The following KLHL42 variants were observed in gnomAD, a reference collection of about 807,000 sequenced individuals.
KLHL42 encodes kelch like family member 42, also known as kelch-like protein 42.
Under a neutral mutation model 32.7 loss-of-function variants are expected in KLHL42, and 27 were observed. That is an observed-to-expected ratio of 0.83 (90% CI 0.61 to 1.14). The LOEUF is 1.14. Ranked by LOEUF, KLHL42 falls within the 50% of genes most tolerant of loss-of-function variation. The probability of loss-of-function intolerance (pLI) is 0.00; values close to 1 mark genes in which losing one functional copy is unlikely to be tolerated. For missense variants in KLHL42, 491 were observed against 560.8 expected (o/e 0.88, Z 1.26); for synonymous variants, 267 against 248.2 (o/e 1.08, Z -0.71).
At chr12:27,795,189 A>C (rs1278688858) in intron 2 of KLHL42, among the ~76,000 whole-genome samples, 9 of 152,266 alleles carry the variant, frequency 5.9e-5, no homozygotes, top group African/African-American at 2.2e-4. Flanking sequence ...GGGCTGACAT[A>C]ACGCACATAT....
Position 27,780,258 on chromosome 12 carries a change from G to GGC in KLHL42, c.-65_-64dup. 1 of 1,362,996 alleles carries GGC rather than the reference G, an allele frequency of 7.3e-7. No individual in the cohort carries two copies. Among genetic ancestry groups the GGC allele is most frequent in the Non-Finnish European group, 9.5e-7 (1 of 1,054,562 alleles). The allele number at this position is 1,362,996 out of a possible 1,614,324, so 84.4% of individuals were successfully genotyped here. A position where few individuals can be genotyped will look rare whatever the true frequency, so the allele number is the denominator to read the frequency against. ...ATCCCTCGGCGCCCCGCCCGGAACC[G>GGC]GCGCGCGCGTAGGGGCTGGGAGGCC... On this transcript the variant is annotated 5_prime_UTR_variant, in exon 1 of 3. Coordinates refer to ENST00000381271, the MANE Select transcript of KLHL42 (RefSeq NM_020782.2). The surrounding 1 kb of genome is among the most constrained non-coding windows in gnomAD (Gnocchi z 8.8).
chr12:27,788,797 A>G (rs2062184395), intron 1 of KLHL42, among the ~76,000 whole-genome samples: 1 of 152,182 alleles, frequency 6.6e-6, no homozygotes, highest in African/African-American at 2.4e-5. Context: ...TTCTAATGAT[A>G]ATATTTTTAT....
intron 1 of KLHL42, among the ~76,000 whole-genome samples, chr12:27,787,361 G>A (rs1473611100): frequency 6.6e-6 from 1 of 151,958 alleles, no homozygotes; most frequent in Non-Finnish European, 1.5e-5. Flanking sequence ...TGGGCATGGT[G>A]GTGGGCACCT....
chr12:27,780,259 G>T lies in KLHL42; in HGVS notation c.-72G>T. ...TCCCTCGGCGCCCCGCCCGGAACCG[G>T]CGCGCGCGTAGGGGCTGGGAGGCCG... On this transcript the variant is annotated 5_prime_UTR_variant, in exon 1 of 3. Transcript: ENST00000381271. The surrounding 1 kb of genome is among the most constrained non-coding windows in gnomAD (Gnocchi z 8.8). 1.5e-6 allele frequency: 2 copies of T among 1,366,416 alleles called. No homozygotes were observed. Among genetic ancestry groups the T allele is most frequent in the Non-Finnish European group, 9.5e-7 (1 of 1,056,390 alleles). The allele number at this position is 1,366,416 out of a possible 1,614,324, so 84.6% of individuals were successfully genotyped here.
At chr12:27,785,729 C>CT (rs150621402) in intron 1 of KLHL42, among the ~76,000 whole-genome samples, 4,088 of 152,180 alleles carry the variant, frequency 0.027, 174 homozygotes, top group African/African-American at 0.093. Flanking sequence ...GGAACTAGGA[C>CT]TTACTCAATG....
chr12:27,784,559 C>G (rs1267103542), intron 1 of KLHL42, among the ~76,000 whole-genome samples: 2 of 152,036 alleles, frequency 1.3e-5, no homozygotes, highest in African/African-American at 2.4e-5. Flanking sequence ...GGCTGCAGTG[C>G]ACTCTCATCG....
At chr12:27,786,730 T>G (rs1195427658) in intron 1 of KLHL42, among the ~76,000 whole-genome samples, 1 of 147,066 alleles carries the variant, frequency 6.8e-6, no homozygotes, top group Non-Finnish European at 1.5e-5. Context: ...TTTTTTTTTT[T>G]TTTTTTTTTT....
chr12:27,780,266 C>G lies in KLHL42; in HGVS notation c.-65C>G. On this transcript the variant is annotated 5_prime_UTR_variant, in exon 1 of 3. Transcript: ENST00000381271. This position sits in a 1 kb window ranked among gnomAD's most constrained non-coding sequence, Gnocchi z 8.8. ...GCGCCCCGCCCGGAACCGGCGCGCG[C>G]GTAGGGGCTGGGAGGCCGGCGCGCA... 7.1e-7 allele frequency: 1 copy of G among 1,405,632 alleles called. No homozygotes were observed. Among genetic ancestry groups the G allele is most frequent in the South Asian group, 1.6e-5 (1 of 61,748 alleles). The allele number at this position is 1,405,632 out of a possible 1,614,324, so 87.1% of individuals were successfully genotyped here.
At chr12:27,791,675 C>G (rs373786629) in intron 1 of KLHL42, 33 bp from the exon 2 acceptor site, 115 of 1,559,322 alleles carry the variant, frequency 7.4e-5, no homozygotes, top group Non-Finnish European at 1.0e-4. Context: ...ATCAGAAGAA[C>G]TAACTCTGTG....
chr12:27,786,854 C>T (rs2062174354), intron 1 of KLHL42, among the ~76,000 whole-genome samples: 1 of 150,760 alleles, frequency 6.6e-6, no homozygotes, highest in Admixed American at 6.7e-5. Context: ...TCCCGAGTAG[C>T]TAGGACTACA....
At chr12:27,793,371 C>G (rs1296731424) in intron 2 of KLHL42, among the ~76,000 whole-genome samples, 1 of 151,676 alleles carries the variant, frequency 6.6e-6, no homozygotes, top group Non-Finnish European at 1.5e-5. Context: ...AAGACCCCTT[C>G]TCTAAAAATG....
Position 27,780,283 on chromosome 12 carries a change from C to G in KLHL42, c.-48C>G. The G allele has an allele frequency of 1.3e-6, 2 of 1,491,520 alleles. No homozygotes were observed. Among genetic ancestry groups the G allele is most frequent in the Non-Finnish European group, 1.8e-6 (2 of 1,122,294 alleles). The allele number at this position is 1,491,520 out of a possible 1,614,324, so 92.4% of individuals were successfully genotyped here. On this transcript the variant is annotated 5_prime_UTR_variant, in exon 1 of 3. Coordinates refer to ENST00000381271, the MANE Select transcript of KLHL42 (RefSeq NM_020782.2). The surrounding 1 kb of genome is among the most constrained non-coding windows in gnomAD (Gnocchi z 8.8). Reference sequence around the variant, plus strand: ...GGCGCGCGCGTAGGGGCTGGGAGGCCGGCGCGCAGATCTGGCGGTGAGCGC... The same window carrying G: ...GGCGCGCGCGTAGGGGCTGGGAGGCGGGCGCGCAGATCTGGCGGTGAGCGC...
At chr12:27,793,806 A>T (rs1296081988) in intron 2 of KLHL42, among the ~76,000 whole-genome samples, 1 of 152,192 alleles carries the variant, frequency 6.6e-6, no homozygotes, top group Non-Finnish European at 1.5e-5. Context: ...TTTATTTGAC[A>T]TGGTGAAATA....
chr12:27,780,656 C>T lies in KLHL42; in HGVS notation c.326C>T (p.Ala109Val). 1 of 1,581,816 alleles carries T rather than the reference C, an allele frequency of 6.3e-7. No homozygotes were observed. Among genetic ancestry groups the T allele is most frequent in the Non-Finnish European group, 8.6e-7 (1 of 1,161,912 alleles). The change falls in exon 1 of 3, where the codon GCC becomes GTC. Residue 109 changes from alanine (A) to valine (V), a missense_variant. Transcript: ENST00000381271. The surrounding 1 kb of genome is among the most constrained non-coding windows in gnomAD (Gnocchi z 8.8). ...VSLLSELVEA[A>V]SFLQVTSLLQ... The stretch of plus-strand genomic sequence containing the variant: ...CTGCTGTCCGAGCTGGTGGAGGCGG[C>T]CTCCTTCCTGCAGGTCACGTCCCTG...
At chr12:27,783,688 T>G (rs1182163294) in intron 1 of KLHL42, among the ~76,000 whole-genome samples, 1 of 152,050 alleles carries the variant, frequency 6.6e-6, no homozygotes, top group African/African-American at 2.4e-5. Flanking sequence ...TTCACGCCAT[T>G]CTCCTGCCTC....
At chr12:27,782,828 C>T (rs1017600935) in intron 1 of KLHL42, among the ~76,000 whole-genome samples, 5 of 150,592 alleles carry the variant, frequency 3.3e-5, no homozygotes, top group Non-Finnish European at 7.4e-5. Context: ...CTGCAAATTA[C>T]ACACAAAACT....
Position 27,780,809 on chromosome 12 carries a change from T to G in KLHL42, c.479T>G (p.Val160Gly). 1 of 1,613,726 alleles carries G rather than the reference T, an allele frequency of 6.2e-7. No individual in the cohort carries two copies. The highest frequency in any genetic ancestry group is 8.5e-7 in the Non-Finnish European group (1 of 1,180,010). ...LRFMVVHFHE[V>G]LCKPQFHLLG... ...TTCATGGTCGTCCACTTCCACGAGG[T>G]GCTGTGCAAGCCCCAGTTCCACCTC... Residue 160 changes from valine to glycine, a missense_variant, in exon 1 of 3, where the codon GTG becomes GGG. Physicochemically the swap from Val to Gly is moderately radical, Grantham distance 109. Transcript: ENST00000381271. The surrounding 1 kb of genome is among the most constrained non-coding windows in gnomAD (Gnocchi z 8.8).
At chr12:27,787,537 C>G (rs1467173898) in intron 1 of KLHL42, 1 of 151,338 alleles carries the variant, frequency 6.6e-6, no homozygotes, top group Non-Finnish European at 1.5e-5. Flanking sequence ...AGGGTGCTTG[C>G]TTTCCCTTTA....
At chr12:27,782,024 G>A (rs868517375) in intron 1 of KLHL42, among the ~76,000 whole-genome samples, 4 of 152,272 alleles carry the variant, frequency 2.6e-5, no homozygotes, top group Middle Eastern at 3.4e-3. Flanking sequence ...AGATGGTAGC[G>A]CCTAGGAGGC....
Sources: gnomAD v4.1 joint callset for allele counts (sites outside exome capture counted in the v4.1 genomes callset) on GRCh38, gnomAD v4.1.1 for gene constraint, Gnocchi (gnomAD v3.1) non-coding constraint, MANE v1.5 for transcripts, NCBI Gene and HGNC (gene_info 2026-07-23, HGNC 2026-07-21) for gene names.